GGCX: variants seen among roughly 807,000 people sequenced by gnomAD.
GGCX encodes the protein gamma-glutamyl carboxylase.
Under a neutral mutation model 88.5 loss-of-function variants are expected in GGCX, and 63 were observed. The ratio of observed to expected loss-of-function variants is 0.71; its 90% CI spans 0.58 to 0.88. The LOEUF (loss-of-function observed/expected upper bound fraction) is 0.88. GGCX is among the 40% of genes least tolerant of loss of function. GGCX has a pLI of 0.00. For missense variants in GGCX, 805 were observed against 932.9 expected (o/e 0.86, Z 1.79); for synonymous variants, 368 against 365.8 (o/e 1.01, Z -0.07).
At chr2:85,551,344 G>A in intron 12 of GGCX, 136 bp downstream of exon 12, 1 of 887,816 alleles carries the variant, frequency 1.1e-6, no homozygotes, top group South Asian at 1.3e-5. Context: ...TAAATTGTTA[G>A]AGATGGGGTC....
chr2:85,553,180 C>G, intron 8 of GGCX, 52 bp downstream of exon 8: 3 of 1,612,990 alleles, frequency 1.9e-6, no homozygotes, highest in Non-Finnish European at 2.5e-6. Flanking sequence ...CTATTGTCAT[C>G]CGTTCCTTTC....
In GGCX at chr2:85,545,936, TC is replaced by T; in HGVS notation, c.*3997del. 1 of 152,344 alleles carries T rather than the reference TC, an allele frequency of 6.6e-6. No homozygotes were observed. Among genetic ancestry groups the T allele is most frequent in the Non-Finnish European group, 1.5e-5 (1 of 68,038 alleles). 9.4% of individuals were successfully genotyped at this position (152,344 alleles called of 1,614,324 possible). On this transcript the variant is annotated 3_prime_UTR_variant, in exon 15 of 15. Transcript: ENST00000233838. ...CTATAAATTTCCAAAGGCTTAAATTTCATTTATGGCAGGTTGTGTAGAAAAT... is the reference window on the plus strand; with the variant it reads ...CTATAAATTTCCAAAGGCTTAAATTTATTTATGGCAGGTTGTGTAGAAAAT...
At position 85,551,942 on chromosome 2, in the gene GGCX, C is replaced by T; in HGVS notation, c.1479G>A (p.Trp493Ter). The T allele has an allele frequency of 6.2e-7, 1 of 1,614,026 alleles. No individual in the cohort carries two copies. Among genetic ancestry groups the T allele is most frequent in the Non-Finnish European group, 8.5e-7 (1 of 1,179,922 alleles). Residue 493 changes from tryptophan to a stop codon, truncating the protein, a stop_gained, in exon 11 of 15, where the codon TGG becomes TGA. Transcript: ENST00000233838. LOFTEE classifies it high-confidence loss of function. ...CCCAGGATGTGCGCTGAAAGGGTGA[C>T]CAAGCGGCCTGCACGATGTCCACAC... The part of the protein sequence containing the change: ...DPRVDIVQAA[W>*]SPFQRTSWVQ...
At chr2:85,551,164 T>G in intron 12 of GGCX, 92 bp from the exon 13 acceptor site, 1 of 1,251,504 alleles carries the variant, frequency 8.0e-7, no homozygotes, top group East Asian at 2.3e-5. Flanking sequence ...TTCTTTCTAC[T>G]CAATTGTGTT....
intron 6 of GGCX, 103 bp downstream of exon 6, chr2:85,555,381 G>A (rs972418079): frequency 8.4e-6 from 6 of 716,596 alleles, no homozygotes; most frequent in Non-Finnish European, 1.6e-5. Context: ...GAAGGCATGT[G>A]GCAAATTCAG....
chr2:85,555,819 ATCT>A (rs901440009), intron 5 of GGCX, among the ~76,000 whole-genome samples: 10 of 152,192 alleles, frequency 6.6e-5, no homozygotes, highest in African/African-American at 2.4e-4. Flanking sequence ...AATAGACCCC[ATCT>A]TCTATTCATT....
chr2:85,556,900 T>C (rs1692225597), intron 4 of GGCX, among the ~76,000 whole-genome samples: 1 of 152,230 alleles, frequency 6.6e-6, no homozygotes, highest in African/African-American at 2.4e-5. Flanking sequence ...TGGACTCACT[T>C]CTGTTTCTTA....
intron 6 of GGCX, chr2:85,555,120 TCAGTA>T (rs1314570984): frequency 4.3e-6 from 1 of 234,010 alleles, no homozygotes; most frequent in African/African-American, 2.3e-5. Flanking sequence ...GCCCATCTTC[TCAGTA>T]CATCAGCTGC....
chr2:85,550,712 C>T lies in GGCX; in HGVS notation c.1927G>A (p.Glu643Lys). The change falls in exon 14 of 15, where the codon GAA becomes AAA. Residue 643 changes from glutamate to lysine, a missense_variant. Physicochemically the swap from Glu to Lys is moderately conservative, Grantham distance 56. Around this residue, in one of 3 missense-constraint regions of GGCX, gnomAD observed 680 missense variants for 763.7 expected, o/e 0.89. Coordinates refer to ENST00000233838, the MANE Select transcript of GGCX (RefSeq NM_000821.7). The part of the protein sequence containing the change: ...PLPPELQPLL[E>K]GEVKGGPEPT... Reference sequence around the variant, plus strand: ...TCAGGGCCCCCTTTTACTTCCCCTTCCAACAGAGGCTGCAGCTCTGGGGGT... The same window carrying T: ...TCAGGGCCCCCTTTTACTTCCCCTTTCAACAGAGGCTGCAGCTCTGGGGGT... 6 of 1,614,132 alleles carry T rather than the reference C, an allele frequency of 3.7e-6. No homozygotes were observed. Among genetic ancestry groups the T allele is most frequent in the Non-Finnish European group, 5.1e-6 (6 of 1,180,028 alleles).
intron 12 of GGCX, 70 bp from the exon 13 acceptor site, chr2:85,551,142 A>G (rs1175039845): frequency 6.4e-6 from 9 of 1,395,900 alleles, no homozygotes; most frequent in Non-Finnish European, 6.1e-6. Context: ...TCCCTACTCT[A>G]TGACTCTTGG....
At position 85,550,960 on chromosome 2, in the gene GGCX, A is replaced by C; in HGVS notation, c.1853T>G (p.Leu618Arg). 6.2e-7 allele frequency: 1 copy of C among 1,614,130 alleles called. No individual in the cohort carries two copies. Residue 618 changes from leucine (L) to arginine (R), a missense_variant, in exon 13 of 15, where the codon CTG becomes CGG. Leu to Arg is a moderately radical substitution (Grantham distance 102). Around this residue, in one of 3 missense-constraint regions of GGCX, gnomAD observed 680 missense variants for 763.7 expected, o/e 0.89. Coordinates refer to ENST00000233838, the MANE Select transcript of GGCX (RefSeq NM_000821.7). Reference protein sequence around the residue: ...ELALEQDLAYLQELKEKVENG... With the variant: ...ELALEQDLAYRQELKEKVENG... ...CTCCACCTTTTCCTTTAATTCTTGC[A>C]GATATGCCAGGTCTTGCTCCAGTGC...
rs971251325 is a variant in GGCX at position 85,545,467 on chromosome 2, A to G, written c.*4467T>C. ...ACTTTGGCTCTTAAAAAATGCTATCATATGAATAACCTGAGAATACTATAT... is the reference window on the plus strand; with the variant it reads ...ACTTTGGCTCTTAAAAAATGCTATCGTATGAATAACCTGAGAATACTATAT... On this transcript the variant is annotated 3_prime_UTR_variant, in exon 15 of 15. Transcript: ENST00000233838. 1.3e-5 allele frequency: 2 copies of G among 152,234 alleles called. No homozygotes were observed. Among genetic ancestry groups the G allele is most frequent in the Non-Finnish European group, 2.9e-5 (2 of 68,050 alleles). 9.4% of individuals were successfully genotyped at this position (152,234 alleles called of 1,614,324 possible). A position where few individuals can be genotyped will look rare whatever the true frequency, so the allele number is the denominator to read the frequency against.
At chr2:85,557,409 C>T (rs1482226585) in intron 4 of GGCX, among the ~76,000 whole-genome samples, 4 of 152,112 alleles carry the variant, frequency 2.6e-5, no homozygotes, top group Non-Finnish European at 5.9e-5. Flanking sequence ...ATCACCTAAA[C>T]ACAAGAAGGT....
In GGCX at chr2:85,547,045, T is replaced by C. The variant is rs1182154649; in HGVS notation, c.*2889A>G. 1.3e-5 allele frequency: 2 copies of C among 152,318 alleles called. No individual in the cohort carries two copies. Among genetic ancestry groups the C allele is most frequent in the Non-Finnish European group, 2.9e-5 (2 of 68,034 alleles). The allele number at this position is 152,318 out of a possible 1,614,324, so 9.4% of individuals were successfully genotyped here. On this transcript the variant is annotated 3_prime_UTR_variant, in exon 15 of 15. Transcript: ENST00000233838. Reference sequence around the variant, plus strand: ...CTTGTGGACCAAGGGGATAGTGTTGTCCTGCCCAGCCTAGGGGAAAAGTAT... The same window carrying C: ...CTTGTGGACCAAGGGGATAGTGTTGCCCTGCCCAGCCTAGGGGAAAAGTAT...
chr2:85,550,941 C>T lies in GGCX; in HGVS notation c.1872G>A (p.Lys624=). 1.2e-6 allele frequency: 2 copies of T among 1,614,198 alleles called. No individual in the cohort carries two copies. The highest frequency in any genetic ancestry group is 1.7e-6 in the Non-Finnish European group (2 of 1,180,006). The change falls in exon 13 of 15, where the codon AAG becomes AAA. Residue 624 remains lysine (K), a synonymous_variant. Coordinates refer to ENST00000233838, the MANE Select transcript of GGCX (RefSeq NM_000821.7). ...TACACTCACCACTTCCATTCTCCACCTTTTCCTTTAATTCTTGCAGATATG... is the reference window on the plus strand; with the variant it reads ...TACACTCACCACTTCCATTCTCCACTTTTTCCTTTAATTCTTGCAGATATG... ...DLAYLQELKE[K]VENGSETGPL...
chr2:85,558,358 T>C lies in GGCX; in HGVS notation c.539+82A>G, dbSNP rs1573330078. On this transcript the variant is annotated intron_variant, in intron 4 of 14. Transcript: ENST00000233838. Reference sequence around the variant, plus strand: ...ATACTTTGCAAACATGACTGAAAAATTCCAGAACCTCACTGGGCCCCTATC... The same window carrying C: ...ATACTTTGCAAACATGACTGAAAAACTCCAGAACCTCACTGGGCCCCTATC... 93 of 1,212,362 alleles carry C rather than the reference T, an allele frequency of 7.7e-5. No homozygotes were observed. In the East Asian group the frequency reaches 2.0e-3, roughly 26 times the overall value. The allele number at this position is 1,212,362 out of a possible 1,614,324, so 75.1% of individuals were successfully genotyped here. A position where few individuals can be genotyped will look rare whatever the true frequency, so the allele number is the denominator to read the frequency against.
chr2:85,553,606 C>T (rs181579847), intron 7 of GGCX, 109 bp from the exon 8 acceptor site: 2 of 1,104,600 alleles, frequency 1.8e-6, no homozygotes, highest in African/African-American at 1.6e-5. Flanking sequence ...GAAAGTAGTT[C>T]TTCTTTTTTT....
In GGCX at chr2:85,545,470, T is replaced by C. The variant is rs1691613134; in HGVS notation, c.*4464A>G. 1 of 152,210 alleles carries C rather than the reference T, an allele frequency of 6.6e-6. No homozygotes were observed. 9.4% of individuals were successfully genotyped at this position (152,210 alleles called of 1,614,324 possible). On this transcript the variant is annotated 3_prime_UTR_variant, in exon 15 of 15. Coordinates refer to ENST00000233838, the MANE Select transcript of GGCX (RefSeq NM_000821.7). ...TTGGCTCTTAAAAAATGCTATCATA[T>C]GAATAACCTGAGAATACTATATGTG...
intron 2 of GGCX, among the ~76,000 whole-genome samples, chr2:85,559,278 C>T (rs928307457): frequency 3.3e-5 from 5 of 152,172 alleles, no homozygotes; most frequent in Admixed American, 6.5e-5. Context: ...CCCTGCAGCT[C>T]GGTTAACCAA....
Sources: gnomAD v4.1 joint callset for allele counts (sites outside exome capture counted in the v4.1 genomes callset) on GRCh38, gnomAD v4.1.1 for gene constraint, gnomAD v4.1.1 regional missense constraint, MANE v1.5 for transcripts, NCBI Gene and HGNC (gene_info 2026-07-23, HGNC 2026-07-21) for gene names.